Variants in GNAQ observed in about 807,000 individuals in gnomAD.
GNAQ encodes the protein guanine nucleotide-binding protein G(q) subunit alpha.
GNAQ carries 8 observed loss-of-function variants against 43.9 expected under a neutral mutation model. The observed-to-expected ratio is 0.18, with a 90% confidence interval of 0.11 to 0.33. GNAQ has a LOEUF of 0.33. Ranked by LOEUF, GNAQ falls within the 10% of genes least tolerant of loss-of-function variation. The pLI is 1.00. For synonymous variants in GNAQ, 155 were observed against 170.7 expected (o/e 0.91, Z 0.71); for missense variants, 158 against 450.8 (o/e 0.35, Z 5.88).
chr9:77,817,263 G>A (rs577587332), intron 2 of GNAQ, among the ~76,000 whole-genome samples: 1 of 152,316 alleles, frequency 6.6e-6, no homozygotes, highest in East Asian at 1.9e-4. Flanking sequence ...CTTAGGCAGT[G>A]TAATATTTGT....
intron 1 of GNAQ, among the ~76,000 whole-genome samples, chr9:78,025,276 G>T (rs1230043637): frequency 6.6e-6 from 1 of 152,146 alleles, no homozygotes; most frequent in East Asian, 1.9e-4. Flanking sequence ...CAAATCAAAG[G>T]TGATTGTTGA....
chr9:77,780,485 T>C (rs915244942), intron 5 of GNAQ, among the ~76,000 whole-genome samples: 2 of 151,644 alleles, frequency 1.3e-5, no homozygotes, highest in South Asian at 4.2e-4. Context: ...ACTGTGTACA[T>C]ACATACTACA....
chr9:77,871,819 A>T (rs1048590949), intron 2 of GNAQ, among the ~76,000 whole-genome samples: 1 of 152,156 alleles, frequency 6.6e-6, no homozygotes, highest in Non-Finnish European at 1.5e-5. Flanking sequence ...AAATCTTCCT[A>T]TATGACAACT....
At chr9:77,957,718 A>G (rs1823060096) in intron 1 of GNAQ, among the ~76,000 whole-genome samples, 1 of 152,184 alleles carries the variant, frequency 6.6e-6, no homozygotes, top group Non-Finnish European at 1.5e-5. Flanking sequence ...CACAGGATGA[A>G]GGCCACTAGC....
intron 1 of GNAQ, among the ~76,000 whole-genome samples, chr9:77,976,341 A>G (rs1465928098): frequency 3.3e-5 from 5 of 152,092 alleles, no homozygotes; most frequent in Non-Finnish European, 7.4e-5. Flanking sequence ...GCCAAAAACT[A>G]TCCACTCAAC....
At chr9:77,883,455 G>A (rs62573072) in intron 2 of GNAQ, among the ~76,000 whole-genome samples, 1 of 150,016 alleles carries the variant, frequency 6.7e-6, no homozygotes, top group Non-Finnish European at 1.5e-5. Context: ...AAAAAAGGGG[G>A]TAGTTTTTTT....
rs762604216 is a variant in GNAQ at position 77,721,518 on chromosome 9, C to T, written c.890-5G>A. On this transcript the variant is annotated splice_region_variant and splice_polypyrimidine_tract_variant and intron_variant, in intron 6 of 6. Coordinates refer to ENST00000286548, the MANE Select transcript of GNAQ (RefSeq NM_002072.5). ...CCTGGGCATCTCTCTGGGGTCCTTT[C>T]GGCCAAGAGACAAGAGGGACACTTT... 37 of 1,586,564 alleles carry T rather than the reference C, an allele frequency of 2.3e-5. 1 individual carries two copies. The Middle Eastern group carries it at 5.0e-4, about 22-fold the overall frequency.
chr9:77,985,098 G>T (rs147710103), intron 1 of GNAQ, among the ~76,000 whole-genome samples: 1,623 of 152,168 alleles, frequency 0.011, 21 homozygotes, highest in African/African-American at 0.036. Flanking sequence ...ATCACAAGGT[G>T]AGGAGATCGA....
At chr9:78,030,563 T>C (rs1354110379) in intron 1 of GNAQ, 2 of 470,664 alleles carry the variant, frequency 4.2e-6, no homozygotes, top group Non-Finnish European at 8.8e-6. Flanking sequence ...CGTTCCCCCA[T>C]TCCCTCCTGA....
At chr9:77,727,889 T>C (rs1825422615) in intron 6 of GNAQ, among the ~76,000 whole-genome samples, 1 of 152,130 alleles carries the variant, frequency 6.6e-6, no homozygotes, top group African/African-American at 2.4e-5. Flanking sequence ...AGGTGGACGG[T>C]AACCAAATGA....
At chr9:77,854,864 C>T (rs1827727143) in intron 2 of GNAQ, among the ~76,000 whole-genome samples, 1 of 152,148 alleles carries the variant, frequency 6.6e-6, no homozygotes, top group African/African-American at 2.4e-5. Context: ...ATTTGCTCAC[C>T]TAGAAGTTCA....
At chr9:77,799,419 C>A (rs1826708450) in intron 3 of GNAQ, among the ~76,000 whole-genome samples, 1 of 152,138 alleles carries the variant, frequency 6.6e-6, no homozygotes, top group South Asian at 2.1e-4. Flanking sequence ...GACTCTGACA[C>A]ACTCATCTTT....
chr9:77,820,472 T>A (rs1432791841), intron 2 of GNAQ, among the ~76,000 whole-genome samples: 1 of 152,140 alleles, frequency 6.6e-6, no homozygotes, highest in Non-Finnish European at 1.5e-5. Flanking sequence ...GCTGGCTGGG[T>A]TCTCATTGTG....
chr9:77,841,551 T>C (rs1434470509), intron 2 of GNAQ, among the ~76,000 whole-genome samples: 2 of 152,372 alleles, frequency 1.3e-5, no homozygotes, highest in South Asian at 4.1e-4. Context: ...AAGGTTCTTC[T>C]TCCCCCTTTG....
At chr9:78,020,632 T>C (rs1240998974) in intron 1 of GNAQ, among the ~76,000 whole-genome samples, 4 of 152,174 alleles carry the variant, frequency 2.6e-5, no homozygotes, top group African/African-American at 7.2e-5. Flanking sequence ...CTCTTCCTGA[T>C]TGAGAACATC....
chr9:77,842,752 C>A (rs1827512247), intron 2 of GNAQ, among the ~76,000 whole-genome samples: 1 of 152,102 alleles, frequency 6.6e-6, no homozygotes, highest in Admixed American at 6.5e-5. Flanking sequence ...CCAACCCAAG[C>A]TGAGATGGCT....
At chr9:77,947,026 C>T (rs1004268097) in intron 1 of GNAQ, among the ~76,000 whole-genome samples, 3 of 152,350 alleles carry the variant, frequency 2.0e-5, no homozygotes, top group South Asian at 4.1e-4. Context: ...CAACTTCTCC[C>T]GAGTAACAAG....
At chr9:77,727,083 T>C (rs1587885341) in intron 6 of GNAQ, among the ~76,000 whole-genome samples, 2 of 131,370 alleles carry the variant, frequency 1.5e-5, no homozygotes, top group African/African-American at 2.8e-5. Context: ...GCCAAATAAA[T>C]AAACTTTTTT....
intron 1 of GNAQ, among the ~76,000 whole-genome samples, chr9:77,958,290 C>T (rs1823066618): frequency 6.6e-6 from 1 of 151,770 alleles, no homozygotes; most frequent in African/African-American, 2.4e-5. Context: ...TTTCCATGAT[C>T]AGTTATGGGC....
Sources: allele counts gnomAD v4.1 joint callset (sites outside exome capture counted in the v4.1 genomes callset), GRCh38; gene constraint gnomAD v4.1.1; transcripts MANE v1.5; gene names NCBI Gene and HGNC (gene_info 2026-07-23, HGNC 2026-07-21).